The following ACSBG2 variants were observed in gnomAD, a reference collection of about 807,000 sequenced individuals.
ACSBG2 encodes the protein acyl-CoA synthetase bubblegum family member 2, also known as long-chain-fatty-acid--CoA ligase ACSBG2.
A neutral mutation model predicts 74.7 loss-of-function variants in ACSBG2; 62 were observed. That is an observed-to-expected ratio of 0.83 (90% CI 0.68 to 1.03). The LOEUF is 1.03. Among genes scored for constraint, ACSBG2 ranks in the 50% least tolerant of loss-of-function variants. The pLI is 0.00. For missense variants in ACSBG2, 730 were observed against 817.6 expected (o/e 0.89, Z 1.31); for synonymous variants, 309 against 294.1 (o/e 1.05, Z -0.52).
chr19:6,155,707 T>C (rs2089395216), intron 4 of ACSBG2, among the ~76,000 whole-genome samples: 1 of 150,924 alleles, frequency 6.6e-6, no homozygotes, highest in Non-Finnish European at 1.5e-5. Context: ...TGAGAATTGC[T>C]TGAATCCAGG....
chr19:6,181,052 A>AG (rs1236016844), intron 8 of ACSBG2, among the ~76,000 whole-genome samples: 1 of 150,826 alleles, frequency 6.6e-6, no homozygotes, highest in African/African-American at 2.4e-5. Flanking sequence ...ACTAAAAAAA[A>AG]AAAAAAAAAA....
intron 14 of ACSBG2, 118 bp downstream of exon 14, chr19:6,190,810 C>CAG: frequency 2.9e-5 from 15 of 514,272 alleles, no homozygotes; most frequent in African/African-American, 5.1e-5. Context: ...TACACACATA[C>CAG]ATACACACAC....
intron 1 of ACSBG2, among the ~76,000 whole-genome samples, chr19:6,140,411 G>A (rs567049883): frequency 1.3e-5 from 2 of 152,170 alleles, no homozygotes; most frequent in Non-Finnish European, 2.9e-5. Context: ...CAGGCGCAAT[G>A]GCTTACGCCT....
chr19:6,164,718 C>T (rs149815381), intron 6 of ACSBG2, among the ~76,000 whole-genome samples: 6 of 152,282 alleles, frequency 3.9e-5, no homozygotes, highest in African/African-American at 9.6e-5. Context: ...TGTGAGCCAC[C>T]GTGCCTGGCC....
In ACSBG2 at chr19:6,185,566, G is replaced by A. The variant is rs1600132471; in HGVS notation, c.1453G>A (p.Ala485Thr). The change falls in exon 11 of 15, where the codon GCC (alanine) becomes ACC (threonine). Residue 485 changes from alanine (A) to threonine (T), a missense_variant. By Grantham distance (58) the Ala-to-Thr change is moderately conservative. Transcript: ENST00000588485. Reference sequence around the variant, plus strand: ...GGAAAGTGAGACTGAAACTACAGAGGCCATCGATGATGAAGGCTGGCTACA... The same window carrying A: ...GGAAAGTGAGACTGAAACTACAGAGACCATCGATGATGAAGGCTGGCTACA... Reference protein sequence around the residue: ...YLESETETTEAIDDEGWLHSG... With the variant: ...YLESETETTETIDDEGWLHSG... The A allele has an allele frequency of 6.2e-7, 1 of 1,614,184 alleles. No individual in the cohort carries two copies. The highest frequency in any genetic ancestry group is 2.2e-5 in the East Asian group (1 of 44,878).
Position 6,141,509 on chromosome 19 carries a change from G to A in ACSBG2, c.-31-4G>A, listed in dbSNP as rs752515278. On this transcript the variant is annotated splice_polypyrimidine_tract_variant and splice_region_variant and intron_variant, in intron 1 of 14. Coordinates refer to ENST00000588485, the MANE Select transcript of ACSBG2 (RefSeq NM_030924.5). ...GTTAAACTCCCTGCTTTTTTGCTTT[G>A]CAGTGCTGTGGAGCATGGTTTCTGC... is the stretch of plus-strand genomic sequence containing the variant. The A allele has an allele frequency of 5.4e-6, 8 of 1,489,182 alleles. No homozygotes were observed. The highest frequency in any genetic ancestry group is 1.1e-5 in the South Asian group (1 of 87,956). The allele number at this position is 1,489,182 out of a possible 1,614,324, so 92.2% of individuals were successfully genotyped here. A position where few individuals can be genotyped will look rare whatever the true frequency, so the allele number is the denominator to read the frequency against.
rs144728967 is a variant in ACSBG2 at position 6,148,571 on chromosome 19, G to A, written c.297+896G>A. Among the ~76,000 whole-genome samples, 1,257 of 152,018 alleles carry A rather than the reference G, an allele frequency of 8.3e-3. 9 individuals carry two copies. Among genetic ancestry groups the A allele is most frequent in the East Asian group, 0.012 (64 of 5,176 alleles). ...GAGGTGGGAGGATCACTTGAGCCTC[G>A]GAGGTCGAGGCTGCAATGACCTGTG... On this transcript the variant is annotated intron_variant, in intron 3 of 14. Coordinates refer to ENST00000588485, the MANE Select transcript of ACSBG2 (RefSeq NM_030924.5).
At chr19:6,171,314 T>C (rs2089958387) in intron 7 of ACSBG2, among the ~76,000 whole-genome samples, 2 of 152,150 alleles carry the variant, frequency 1.3e-5, no homozygotes. Flanking sequence ...ATAGGGTCTG[T>C]GGGCTTTGTG....
At chr19:6,163,982 T>C (rs1418094816) in intron 6 of ACSBG2, among the ~76,000 whole-genome samples, 2 of 151,936 alleles carry the variant, frequency 1.3e-5, no homozygotes, top group African/African-American at 2.4e-5. Context: ...AGATTTAGTT[T>C]AGGACCCAGA....
rs112104021 is a variant in ACSBG2, at chr19:6,178,373, C to CATT, written c.906+999_906+1001dup. ...TCTCCAAATGTTCAAATATTCATTGCATTATTATTATTATTATTATTATTT... is the reference window on the plus strand; with the variant it reads ...TCTCCAAATGTTCAAATATTCATTGCATTATTATTATTATTATTATTATTATTT... On this transcript the variant is annotated intron_variant, in intron 8 of 14. Coordinates refer to ENST00000588485, the MANE Select transcript of ACSBG2 (RefSeq NM_030924.5). 6.3e-3 allele frequency among the ~76,000 whole-genome samples: 953 copies of CATT among 151,016 alleles called. 4 individuals are homozygous for CATT. Among genetic ancestry groups the CATT allele is most frequent in the South Asian group, 0.032 (152 of 4,784 alleles).
At chr19:6,137,613 T>A (rs375620525) in intron 1 of ACSBG2, among the ~76,000 whole-genome samples, 100 of 152,076 alleles carry the variant, frequency 6.6e-4, no homozygotes, top group African/African-American at 2.2e-3. Context: ...TTCACTTTTT[T>A]ATTTTTATTT....
chr19:6,165,865 G>T lies in ACSBG2; in HGVS notation c.589-1G>T. On this transcript the variant is annotated splice_acceptor_variant, in intron 6 of 14. Transcript: ENST00000588485. LOFTEE classifies it high-confidence loss of function. Reference sequence around the variant, plus strand: ...CCTCCGCTTGTCTTTTCTGTCCACAGTGGGATGATTTCATGGAACTTGGCA... The same window carrying T: ...CCTCCGCTTGTCTTTTCTGTCCACATTGGGATGATTTCATGGAACTTGGCA... The T allele has an allele frequency of 1.2e-6, 2 of 1,614,046 alleles. No homozygotes were observed. Among genetic ancestry groups the T allele is most frequent in the Non-Finnish European group, 1.7e-6 (2 of 1,179,936 alleles).
intron 14 of ACSBG2, chr19:6,191,897 T>G (rs2090571157): frequency 6.6e-6 from 1 of 152,102 alleles, no homozygotes; most frequent in African/African-American, 2.4e-5. Flanking sequence ...TCACAAGATT[T>G]CCAATTTCAC....
intron 7 of ACSBG2, among the ~76,000 whole-genome samples, chr19:6,166,278 G>GCTC (rs1237594210): frequency 7.0e-6 from 1 of 143,654 alleles, no homozygotes; most frequent in African/African-American, 2.6e-5. Context: ...GAGTCAGGAA[G>GCTC]GTTGTGTGTG....
rs1358226602 is a variant in ACSBG2 at position 6,181,240 on chromosome 19, A to G, written c.907-1511A>G. 8.8e-4 allele frequency among the ~76,000 whole-genome samples: 118 copies of G among 133,966 alleles called. 1 individual carries two copies. Among genetic ancestry groups the G allele is most frequent in the South Asian group, 8.3e-4 (3 of 3,618 alleles). 87.9% of individuals were successfully genotyped at this position (133,966 alleles called of 152,430 possible). A position where few individuals can be genotyped will look rare whatever the true frequency, so the allele number is the denominator to read the frequency against. ...CTGTGTCAAAAAAAAAAAAAAAAAA[A>G]GGAAAGGAAAGGAAGGCAAGGGAAG... On this transcript the variant is annotated intron_variant, in intron 8 of 14. Coordinates refer to ENST00000588485, the MANE Select transcript of ACSBG2 (RefSeq NM_030924.5).
chr19:6,187,281 A>G lies in ACSBG2; in HGVS notation c.1541-2A>G. On this transcript the variant is annotated splice_acceptor_variant, in intron 11 of 14. Coordinates refer to ENST00000588485, the MANE Select transcript of ACSBG2 (RefSeq NM_030924.5). LOFTEE classifies it high-confidence loss of function. ...CATGTACCAAGCCAAGCTCTGTTCC[A>G]GAAATCCTTATCACTGCTGGTGGTG... is the stretch of plus-strand genomic sequence containing the variant. 6.2e-7 allele frequency: 1 copy of G among 1,614,142 alleles called. No individual in the cohort carries two copies. Among genetic ancestry groups the G allele is most frequent in the Non-Finnish European group, 8.5e-7 (1 of 1,180,010 alleles).
intron 5 of ACSBG2, among the ~76,000 whole-genome samples, chr19:6,158,886 C>T (rs536633213): frequency 2.4e-4 from 36 of 152,290 alleles, no homozygotes; most frequent in African/African-American, 8.2e-4. Flanking sequence ...TCAGGAAGGA[C>T]AGACCTCCAC....
At chr19:6,147,035 A>G (rs1235576371) in intron 2 of ACSBG2, among the ~76,000 whole-genome samples, 6 of 152,164 alleles carry the variant, frequency 3.9e-5, no homozygotes, top group Admixed American at 3.9e-4. Flanking sequence ...TAGGAGGTCA[A>G]GGTTGCAGTG....
intron 6 of ACSBG2, among the ~76,000 whole-genome samples, chr19:6,164,705 A>G (rs1212268797): frequency 2.6e-5 from 4 of 152,190 alleles, no homozygotes; most frequent in Non-Finnish European, 5.9e-5. Flanking sequence ...CTGGGATTAC[A>G]GGTGTGAGCC....
Sources: gnomAD v4.1 joint callset for allele counts (sites outside exome capture counted in the v4.1 genomes callset) on GRCh38, gnomAD v4.1.1 for gene constraint, MANE v1.5 for transcripts, NCBI Gene and HGNC (gene_info 2026-07-23, HGNC 2026-07-21) for gene names.